The following ASZ1 variants were observed in gnomAD, a reference collection of about 807,000 sequenced individuals.
ASZ1 encodes ankyrin repeat, SAM and basic leucine zipper domain containing 1.
Under a neutral mutation model 61.8 loss-of-function variants are expected in ASZ1, and 67 were observed. The observed-to-expected ratio is 1.08, with a 90% CI of 0.89 to 1.33. The LOEUF (loss-of-function observed/expected upper bound fraction) is 1.33. Among genes scored for constraint, ASZ1 ranks in the 40% most tolerant of loss-of-function variants. The probability of loss-of-function intolerance (pLI) is 0.00; values close to 1 mark genes in which losing one functional copy is unlikely to be tolerated. For synonymous variants in ASZ1, 193 were observed against 192.7 expected (o/e 1.00, Z -0.01); for missense variants, 577 against 554.5 (o/e 1.04, Z -0.41).
At chr7:117,397,056 T>C (rs145663545) in intron 4 of ASZ1, among the ~76,000 whole-genome samples, 13 of 151,648 alleles carry the variant, frequency 8.6e-5, no homozygotes, top group Non-Finnish European at 1.8e-4. Context: ...TTTAATTTAA[T>C]AACAATAATT....
chr7:117,379,711 C>A (rs1796213665), intron 10 of ASZ1, among the ~76,000 whole-genome samples: 1 of 151,688 alleles, frequency 6.6e-6, no homozygotes, highest in Non-Finnish European at 1.5e-5. Flanking sequence ...AAAAATATTT[C>A]TATGTGAGTT....
intron 4 of ASZ1, among the ~76,000 whole-genome samples, chr7:117,401,432 G>A (rs939777085): frequency 4.7e-5 from 7 of 150,356 alleles, no homozygotes; most frequent in Non-Finnish European, 8.9e-5. Flanking sequence ...AAAACAACCA[G>A]AGGATAAAAT....
chr7:117,385,647 A>T, intron 5 of ASZ1, 51 bp downstream of exon 5: 2 of 1,405,626 alleles, frequency 1.4e-6, no homozygotes, highest in Admixed American at 1.9e-5. Context: ...TTTTTTGTAG[A>T]TTACTGATAA....
intron 10 of ASZ1, among the ~76,000 whole-genome samples, chr7:117,374,978 T>G (rs1796111615): frequency 6.6e-6 from 1 of 151,920 alleles, no homozygotes; most frequent in South Asian, 2.1e-4. Context: ...CCGGACCAAG[T>G]GCAATGAGAG....
intron 4 of ASZ1, among the ~76,000 whole-genome samples, chr7:117,414,150 G>A (rs927609611): frequency 3.9e-5 from 6 of 152,124 alleles, no homozygotes; most frequent in African/African-American, 1.4e-4. Context: ...TTGAAGAAAC[G>A]ATAGATGAGA....
chr7:117,395,865 A>G (rs1326822253), intron 4 of ASZ1, among the ~76,000 whole-genome samples: 1 of 152,180 alleles, frequency 6.6e-6, no homozygotes, highest in Non-Finnish European at 1.5e-5. Flanking sequence ...AAGACAGTAA[A>G]TATTTTGGGC....
At chr7:117,382,485 G>C (rs751958002) in intron 7 of ASZ1, among the ~76,000 whole-genome samples, 4 of 151,578 alleles carry the variant, frequency 2.6e-5, no homozygotes, top group Non-Finnish European at 5.9e-5. Flanking sequence ...TTGAGCACAG[G>C]TGTTTGAGGC....
chr7:117,363,733 C>T lies in ASZ1; in HGVS notation c.1291G>A (p.Glu431Lys). Residue 431 changes from glutamate to lysine, a missense_variant, in exon 13 of 13, where the codon GAA becomes AAA. Coordinates refer to ENST00000284629, the MANE Select transcript of ASZ1 (RefSeq NM_130768.3). ...DLIQKLQNER[E>K]NDPTHIQLRE... is the part of the protein sequence containing the mutation. ...AATTGTATATGAGTTGGATCATTTT[C>T]CCGTTCATTTTGCAACTAATATTTA... 1 of 1,574,072 alleles carries T rather than the reference C, an allele frequency of 6.4e-7. No individual in the cohort carries two copies. Among genetic ancestry groups the T allele is most frequent in the South Asian group, 1.2e-5 (1 of 83,198 alleles).
chr7:117,426,709 T>A, intron 2 of ASZ1, 127 bp downstream of exon 2: 1 of 838,662 alleles, frequency 1.2e-6, no homozygotes, highest in Admixed American at 2.5e-5. Context: ...CAACGAAGAT[T>A]ATGCAGGATG....
intron 4 of ASZ1, among the ~76,000 whole-genome samples, chr7:117,386,927 T>G (rs1465373687): frequency 1.3e-5 from 2 of 152,042 alleles, no homozygotes; most frequent in Admixed American, 1.3e-4. Context: ...GAATATCCCT[T>G]ACATAGTGGC....
intron 4 of ASZ1, among the ~76,000 whole-genome samples, chr7:117,399,765 G>A (rs1211032502): frequency 6.6e-6 from 1 of 152,044 alleles, no homozygotes; most frequent in Non-Finnish European, 1.5e-5. Flanking sequence ...TGATAAAATT[G>A]TTCCAAAATT....
chr7:117,390,437 G>A (rs1265186321), intron 4 of ASZ1, among the ~76,000 whole-genome samples: 8 of 152,162 alleles, frequency 5.3e-5, no homozygotes, highest in Admixed American at 5.2e-4. Flanking sequence ...CCAAAGGGCT[G>A]GGATTATGGG....
chr7:117,390,330 T>C (rs1796440901), intron 4 of ASZ1, among the ~76,000 whole-genome samples: 1 of 152,080 alleles, frequency 6.6e-6, no homozygotes, highest in South Asian at 2.1e-4. Flanking sequence ...TCACCACACC[T>C]GACTAAATTT....
Position 117,383,080 on chromosome 7 carries a change from G to A in ASZ1, c.718C>T (p.Pro240Ser). ...IFNLLSFTLNPLEGKLQQLTK... is the reference protein window; with the variant it reads ...IFNLLSFTLNSLEGKLQQLTK... ...AGCTGTTGAAGTTTTCCTTCCAATGGATTTAAAGTAAAAGAAAGTAAGTTG... is the reference window on the plus strand; with the variant it reads ...AGCTGTTGAAGTTTTCCTTCCAATGAATTTAAAGTAAAAGAAAGTAAGTTG... Residue 240 changes from proline to serine, a missense_variant, in exon 7 of 13, where the codon CCA becomes TCA. Coordinates refer to ENST00000284629, the MANE Select transcript of ASZ1 (RefSeq NM_130768.3). 1 of 1,569,514 alleles carries A rather than the reference G, an allele frequency of 6.4e-7. No homozygotes were observed. The highest frequency in any genetic ancestry group is 1.9e-5 in the Admixed American group (1 of 52,142).
At chr7:117,375,910 G>C (rs1050313745) in intron 10 of ASZ1, among the ~76,000 whole-genome samples, 2 of 151,902 alleles carry the variant, frequency 1.3e-5, no homozygotes, top group Non-Finnish European at 2.9e-5. Context: ...TCTGCCTCAA[G>C]AATCTAGAAA....
intron 10 of ASZ1, among the ~76,000 whole-genome samples, chr7:117,369,387 A>G (rs570215259): frequency 1.3e-5 from 2 of 152,348 alleles, no homozygotes; most frequent in South Asian, 4.1e-4. Flanking sequence ...TTGTGTCAGC[A>G]TAAGGAATTA....
chr7:117,421,958 G>A (rs1480757935), intron 3 of ASZ1, among the ~76,000 whole-genome samples: 2 of 151,974 alleles, frequency 1.3e-5, no homozygotes, highest in African/African-American at 4.8e-5. Flanking sequence ...ACTTTTTAAT[G>A]TTTCTTTCAA....
At chr7:117,418,263 G>A (rs1025889948) in intron 4 of ASZ1, among the ~76,000 whole-genome samples, 4 of 152,164 alleles carry the variant, frequency 2.6e-5, no homozygotes, top group Non-Finnish European at 5.9e-5. Flanking sequence ...ACTTCAGCAA[G>A]GAGTACTAAA....
intron 12 of ASZ1, 88 bp downstream of exon 12, chr7:117,367,264 T>C (rs1035040624): frequency 6.5e-5 from 66 of 1,008,864 alleles, no homozygotes; most frequent in Non-Finnish European, 7.8e-5. Flanking sequence ...CATTTGTTGC[T>C]CTTACCAGAA....
Sources: allele counts gnomAD v4.1 joint callset (sites outside exome capture counted in the v4.1 genomes callset), GRCh38; gene constraint gnomAD v4.1.1; transcripts MANE v1.5; gene names NCBI Gene and HGNC (gene_info 2026-07-23, HGNC 2026-07-21).